The following ANKDD1B variants were observed in gnomAD, a reference collection of about 807,000 sequenced individuals.
ANKDD1B encodes the protein ankyrin repeat and death domain-containing protein 1B.
A neutral mutation model predicts 59.7 loss-of-function variants in ANKDD1B; 57 were observed. The ratio of observed to expected loss-of-function variants is 0.95; its 90% CI spans 0.77 to 1.19. The LOEUF is 1.19. Among genes scored for constraint, ANKDD1B ranks in the 50% most tolerant of loss-of-function variants. The pLI is 0.00. For synonymous variants in ANKDD1B, 216 were observed against 239.5 expected (o/e 0.90, Z 0.91); for missense variants, 602 against 641.9 (o/e 0.94, Z 0.67).
At chr5:75,659,185 T>C (rs1775050915) in intron 9 of ANKDD1B, 98 bp from the exon 10 acceptor site, 1 of 813,950 alleles carries the variant, frequency 1.2e-6, no homozygotes, top group East Asian at 2.7e-5. Context: ...TTAAAAAATA[T>C]ATGACCTGTG....
chr5:75,665,446 T>A (rs1775280436), intron 11 of ANKDD1B, among the ~76,000 whole-genome samples: 1 of 152,174 alleles, frequency 6.6e-6, no homozygotes, highest in Admixed American at 6.5e-5. Context: ...GGAGATGGAA[T>A]GAGGAGAGAA....
intron 5 of ANKDD1B, among the ~76,000 whole-genome samples, chr5:75,633,755 T>A (rs1255537619): frequency 1.3e-5 from 2 of 152,184 alleles, no homozygotes; most frequent in Non-Finnish European, 2.9e-5. Flanking sequence ...CCAGAATGCA[T>A]GTTGAAATTG....
intron 7 of ANKDD1B, among the ~76,000 whole-genome samples, chr5:75,645,035 G>A (rs1218681730): frequency 2.2e-5 from 3 of 134,452 alleles, no homozygotes; most frequent in Admixed American, 6.8e-5. Flanking sequence ...AAATAAAGAT[G>A]TTCTTTGAAA....
At chr5:75,625,453 AC>A (rs1385644081) in intron 3 of ANKDD1B, among the ~76,000 whole-genome samples, 193 bp from the exon 4 acceptor site, 1 of 152,126 alleles carries the variant, frequency 6.6e-6, no homozygotes, top group Non-Finnish European at 1.5e-5. Context: ...CAGATGGAGA[AC>A]CACTTGCCTG....
chr5:75,654,321 C>T (rs188949604), intron 8 of ANKDD1B, among the ~76,000 whole-genome samples: 1 of 152,324 alleles, frequency 6.6e-6, no homozygotes, highest in East Asian at 1.9e-4. Context: ...GGTTCAAGTC[C>T]TGTCTCTGCC....
rs1581123985 is a variant in ANKDD1B, at chr5:75,611,903, GAGC to G, written c.193+81_193+83del. 2.2e-5 allele frequency: 25 copies of G among 1,154,916 alleles called. No individual in the cohort carries two copies. In the East Asian group the frequency reaches 8.0e-4, roughly 37 times the overall value. The allele number at this position is 1,154,916 out of a possible 1,614,324, so 71.5% of individuals were successfully genotyped here. On this transcript the variant is annotated intron_variant, in intron 1 of 13. Transcript: ENST00000601380. Reference sequence around the variant, plus strand: ...TCGAAGGGACTTGAGAAGGTACCCAGAGCAGCACCTCCGGACGCTGCAGGAGGG... The same window carrying G: ...TCGAAGGGACTTGAGAAGGTACCCAGAGCACCTCCGGACGCTGCAGGAGGG...
intron 1 of ANKDD1B, among the ~76,000 whole-genome samples, chr5:75,615,941 GA>G (rs1773706530): frequency 6.6e-6 from 1 of 152,144 alleles, no homozygotes; most frequent in Admixed American, 6.5e-5. Context: ...GCAGTATCCT[GA>G]AAGGTCTTTG....
intron 7 of ANKDD1B, among the ~76,000 whole-genome samples, chr5:75,639,230 C>G (rs1054113522): frequency 6.6e-6 from 1 of 152,162 alleles, no homozygotes; most frequent in Non-Finnish European, 1.5e-5. Context: ...AAGCTTCACT[C>G]TTGTTGCCCA....
At chr5:75,653,663 GT>G (rs1373406606) in intron 8 of ANKDD1B, among the ~76,000 whole-genome samples, 1 of 152,064 alleles carries the variant, frequency 6.6e-6, no homozygotes, top group Non-Finnish European at 1.5e-5. Context: ...ACTGATTTAG[GT>G]TTTCTGACGT....
chr5:75,657,402 G>A (rs1775004813), intron 9 of ANKDD1B, among the ~76,000 whole-genome samples: 1 of 151,908 alleles, frequency 6.6e-6, no homozygotes, highest in Non-Finnish European at 1.5e-5. Context: ...GAAGTCCCCA[G>A]CAAAGAAAGA....
At chr5:75,625,230 T>C (rs1773958095) in intron 3 of ANKDD1B, among the ~76,000 whole-genome samples, 1 of 152,202 alleles carries the variant, frequency 6.6e-6, no homozygotes, top group Admixed American at 6.5e-5. Context: ...CCTCCATATG[T>C]AAGTGTGCTT....
In ANKDD1B at chr5:75,667,013, T is replaced by C; in HGVS notation, c.1393+20T>C. 1 of 1,408,292 alleles carries C rather than the reference T, an allele frequency of 7.1e-7. No individual in the cohort carries two copies. Among genetic ancestry groups the C allele is most frequent in the Non-Finnish European group, 9.3e-7 (1 of 1,079,042 alleles). 87.2% of individuals were successfully genotyped at this position (1,408,292 alleles called of 1,614,324 possible). A position where few individuals can be genotyped will look rare whatever the true frequency, so the allele number is the denominator to read the frequency against. ...GGTCGGGTGAGTACAGACTAGATGA[T>C]GTGGGCAGGAGGAATTCACTGTTAG... On this transcript the variant is annotated intron_variant, in intron 12 of 13. Coordinates refer to ENST00000601380, the MANE Select transcript of ANKDD1B (RefSeq NM_001276713.2).
At chr5:75,661,396 G>GAAAAAAAAAAAAAAAAAAAAA (rs11357068) in intron 10 of ANKDD1B, among the ~76,000 whole-genome samples, 2 of 36,840 alleles carry the variant, frequency 5.4e-5, no homozygotes, top group African/African-American at 7.1e-5. Flanking sequence ...AACTCCGTCT[G>GAAAAAAAAAAAAAAAAAAAAA]AAAAAAAAAA....
intron 11 of ANKDD1B, among the ~76,000 whole-genome samples, chr5:75,664,531 T>C (rs1011325150): frequency 8.5e-5 from 13 of 152,196 alleles, no homozygotes; most frequent in Non-Finnish European, 1.6e-4. Flanking sequence ...TTTCCTATCC[T>C]CAGGCTCAAT....
chr5:75,624,519 G>A (rs1773939277), intron 3 of ANKDD1B, among the ~76,000 whole-genome samples: 1 of 152,082 alleles, frequency 6.6e-6, no homozygotes, highest in Non-Finnish European at 1.5e-5. Flanking sequence ...ACTAAGTCCT[G>A]GTCTCTTTCA....
rs1261727749 is a variant in ANKDD1B at position 75,671,076 on chromosome 5, T to G, written c.*36T>G. ...AAATTGTATTTACATGATTTTCCAC[T>G]CAGCATTCAGTTCTTTTAATGCCAT... On this transcript the variant is annotated 3_prime_UTR_variant, in exon 14 of 14. Coordinates refer to ENST00000601380, the MANE Select transcript of ANKDD1B (RefSeq NM_001276713.2). The G allele has an allele frequency of 8.7e-6, 9 of 1,037,706 alleles. No individual in the cohort carries two copies. The highest frequency in any genetic ancestry group is 1.1e-5 in the Non-Finnish European group (9 of 810,612). The allele number at this position is 1,037,706 out of a possible 1,614,324, so 64.3% of individuals were successfully genotyped here. A position where few individuals can be genotyped will look rare whatever the true frequency, so the allele number is the denominator to read the frequency against.
chr5:75,624,828 G>A (rs1773947799), intron 3 of ANKDD1B, among the ~76,000 whole-genome samples: 1 of 152,034 alleles, frequency 6.6e-6, no homozygotes, highest in Non-Finnish European at 1.5e-5. Flanking sequence ...ATGGGGTTTT[G>A]TTAATCACTC....
At position 75,611,630 on chromosome 5, in the gene ANKDD1B, A is replaced by T; in HGVS notation, c.-5A>T. 2 of 1,230,746 alleles carry T rather than the reference A, an allele frequency of 1.6e-6. No homozygotes were observed. Among genetic ancestry groups the T allele is most frequent in the Non-Finnish European group, 2.0e-6 (2 of 987,748 alleles). 76.2% of individuals were successfully genotyped at this position (1,230,746 alleles called of 1,614,324 possible). A position where few individuals can be genotyped will look rare whatever the true frequency, so the allele number is the denominator to read the frequency against. On this transcript the variant is annotated 5_prime_UTR_variant, in exon 1 of 14. Transcript: ENST00000601380. ...GCCCTGCGCTCAGGGCCCGCGGAGG[A>T]GACTATGGACCCCGCCGGGCGCGCC...
intron 7 of ANKDD1B, among the ~76,000 whole-genome samples, chr5:75,648,270 A>AAAAAAAAATT (rs1554068890): frequency 3.6e-4 from 32 of 88,112 alleles, no homozygotes; most frequent in Non-Finnish European, 5.8e-4. Context: ...AAAAAATTAA[A>AAAAAAAAATT]AAAAAAAAAA....
Sources: allele counts gnomAD v4.1 joint callset (sites outside exome capture counted in the v4.1 genomes callset), GRCh38; gene constraint gnomAD v4.1.1; transcripts MANE v1.5; gene names NCBI Gene and HGNC (gene_info 2026-07-23, HGNC 2026-07-21).